The following RGL1 variants were observed in gnomAD, a reference collection of about 807,000 sequenced individuals.
The protein encoded by RGL1 is ral guanine nucleotide dissociation stimulator like 1.
A neutral mutation model predicts 95.2 loss-of-function variants in RGL1; 24 were observed. That is an observed-to-expected ratio of 0.25 (90% CI 0.18 to 0.35). RGL1 has a LOEUF of 0.35. RGL1 is among the 10% of genes least tolerant of loss of function. RGL1 has a pLI of 1.00. For missense variants in RGL1, 715 were observed against 936.3 expected, an observed-to-expected ratio of 0.76 and a Z score of 3.08; for synonymous variants, 329 against 344.9, an observed-to-expected ratio of 0.95 and a Z score of 0.51.
At chr1:183,637,104 A>G (rs1056581724) in intron 1 of RGL1, among the ~76,000 whole-genome samples, 1 of 152,238 alleles carries the variant, frequency 6.6e-6, no homozygotes, top group Middle Eastern at 3.2e-3. Flanking sequence ...ATTCTGTCTC[A>G]GATTCCTCAT....
chr1:183,667,402 G>A (rs899652489), intron 1 of RGL1, among the ~76,000 whole-genome samples: 5 of 152,006 alleles, frequency 3.3e-5, no homozygotes, highest in African/African-American at 9.7e-5. Context: ...TCGGCTCACC[G>A]CAACCTCTGC....
At chr1:183,905,008 G>T (rs1278486364) in intron 13 of RGL1, 37 bp downstream of exon 13, 8 of 1,588,988 alleles carry the variant, frequency 5.0e-6, no homozygotes, top group Non-Finnish European at 6.8e-6. Flanking sequence ...TAGAACTGAA[G>T]TGTTGGCAAG....
chr1:183,756,928 A>G (rs1169349330), intron 2 of RGL1, among the ~76,000 whole-genome samples: 1 of 151,994 alleles, frequency 6.6e-6, no homozygotes, highest in East Asian at 1.9e-4. Context: ...TGTTTCTCTA[A>G]ATTGTAACAT....
At chr1:183,637,375 G>C (rs1649617070) in intron 1 of RGL1, among the ~76,000 whole-genome samples, 2 of 152,150 alleles carry the variant, frequency 1.3e-5, no homozygotes, top group African/African-American at 4.8e-5. Flanking sequence ...TAAGCATGCA[G>C]AAGGGACTCG....
At chr1:183,896,621 C>G (rs916983842) in intron 9 of RGL1, among the ~76,000 whole-genome samples, 2 of 152,098 alleles carry the variant, frequency 1.3e-5, no homozygotes, top group Admixed American at 6.5e-5. Flanking sequence ...ACATAAATCT[C>G]AGGAAAAGTG....
At chr1:183,908,491 C>A (rs1336616327) in intron 14 of RGL1, among the ~76,000 whole-genome samples, 1 of 152,210 alleles carries the variant, frequency 6.6e-6, no homozygotes, top group African/African-American at 2.4e-5. Flanking sequence ...AGATGACTGT[C>A]CTGGCCCTGC....
At position 183,822,823 on chromosome 1, in the gene RGL1, A is replaced by G. The variant is rs115265326; in HGVS notation, c.138+16338A>G. Among the ~76,000 whole-genome samples, 1,104 of 152,206 alleles carry G rather than the reference A, an allele frequency of 7.3e-3. 15 individuals carry two copies. Among genetic ancestry groups the G allele is most frequent in the African/African-American group, 0.025 (1,021 of 41,536 alleles). ...TTGAGGGCTTCAAAGTCAAGTTCCA[A>G]TCTCCCTTTCTGGGGTGATTTCCTA... On this transcript the variant is annotated intron_variant, in intron 2 of 17. Transcript: ENST00000360851.
chr1:183,790,992 A>G (rs1257607850), intron 2 of RGL1, among the ~76,000 whole-genome samples: 1 of 152,156 alleles, frequency 6.6e-6, no homozygotes, highest in African/African-American at 2.4e-5. Context: ...GAGAAGAATC[A>G]GGGTAGGGGT....
chr1:183,791,681 A>G (rs1558209196), intron 2 of RGL1, among the ~76,000 whole-genome samples: 1 of 152,252 alleles, frequency 6.6e-6, no homozygotes, highest in African/African-American at 2.4e-5. Context: ...CTCTCTTAAA[A>G]TATATGCAGC....
At position 183,773,050 on chromosome 1, in the gene RGL1, T is replaced by A. The variant is rs866638202; in HGVS notation, c.132+30761T>A. On this transcript the variant is annotated intron_variant, in intron 2 of 18. Transcript: ENST00000304685. ...AAAAAAAAAAAAAAAAAAAAAAAAA[T>A]TTCACTCTGATATCTATAATCCCAA... is the stretch of plus-strand genomic sequence containing the variant. 3.2e-3 allele frequency among the ~76,000 whole-genome samples: 386 copies of A among 119,686 alleles called. 3 individuals carry two copies. The highest frequency in any genetic ancestry group is 0.012 in the African/African-American group (366 of 30,262). The allele number at this position is 119,686 out of a possible 152,430, so 78.5% of individuals were successfully genotyped here.
intron 15 of RGL1, among the ~76,000 whole-genome samples, chr1:183,916,173 C>T (rs917226277): frequency 6.6e-6 from 1 of 152,120 alleles, no homozygotes; most frequent in Non-Finnish European, 1.5e-5. Context: ...TGCTGGTTAA[C>T]TTCTATAAGA....
chr1:183,909,722 A>C (rs771238499), intron 14 of RGL1, among the ~76,000 whole-genome samples: 5 of 152,092 alleles, frequency 3.3e-5, no homozygotes, highest in Non-Finnish European at 7.4e-5. Flanking sequence ...GTTCACCTTC[A>C]TTGTTTCTAT....
At chr1:183,658,559 C>T (rs1336945554) in intron 1 of RGL1, among the ~76,000 whole-genome samples, 1 of 152,150 alleles carries the variant, frequency 6.6e-6, no homozygotes, top group Non-Finnish European at 1.5e-5. Flanking sequence ...AGCCTGGAAG[C>T]TGGAACTGGG....
At chr1:183,898,431 G>A (rs1014146437) in intron 10 of RGL1, among the ~76,000 whole-genome samples, 2 of 152,200 alleles carry the variant, frequency 1.3e-5, no homozygotes, top group Admixed American at 6.5e-5. Flanking sequence ...ATTTAAAGGA[G>A]CATCATGCCT....
intron 16 of RGL1, among the ~76,000 whole-genome samples, chr1:183,921,075 T>G (rs575296518): frequency 1.3e-5 from 2 of 152,328 alleles, no homozygotes; most frequent in East Asian, 3.9e-4. Flanking sequence ...TCTTTCAAAC[T>G]TAAAGAAATC....
intron 2 of RGL1, among the ~76,000 whole-genome samples, chr1:183,747,827 AT>A (rs1657739456): frequency 6.6e-6 from 1 of 152,130 alleles, no homozygotes; most frequent in African/African-American, 2.4e-5. Context: ...AGGTGTTGGT[AT>A]CAGGGTAAGG....
At chr1:183,689,059 G>A (rs2102104865) in intron 1 of RGL1, among the ~76,000 whole-genome samples, 1 of 152,106 alleles carries the variant, frequency 6.6e-6, no homozygotes, top group South Asian at 2.1e-4. Context: ...AATTAAAATT[G>A]TATTAAAAAT....
chr1:183,672,972 G>C (rs1302314842), intron 1 of RGL1, among the ~76,000 whole-genome samples: 1 of 152,218 alleles, frequency 6.6e-6, no homozygotes, highest in Non-Finnish European at 1.5e-5. Flanking sequence ...TGCCATGGTA[G>C]TTTGCTGCAC....
intron 1 of RGL1, chr1:183,646,582 C>T (rs1572216588): frequency 6.6e-6 from 1 of 152,276 alleles, no homozygotes; most frequent in East Asian, 1.9e-4. Context: ...AATCAAGGAG[C>T]ACTTCCTAGA....
Sources: allele counts gnomAD v4.1 joint callset (sites outside exome capture counted in the v4.1 genomes callset), GRCh38; gene constraint gnomAD v4.1.1; transcripts MANE v1.5; gene names NCBI Gene and HGNC (gene_info 2026-07-23, HGNC 2026-07-21).